Variants in TMCC1 observed in about 807,000 individuals in gnomAD.
TMCC1 encodes transmembrane and coiled-coil domains protein 1.
Under a neutral mutation model 52.4 loss-of-function variants are expected in TMCC1, and 15 were observed. The observed-to-expected ratio is 0.29, with a 90% confidence interval of 0.19 to 0.44. The LOEUF (loss-of-function observed/expected upper bound fraction) is 0.44. Ranked by LOEUF, TMCC1 falls within the 20% of genes least tolerant of loss-of-function variation. TMCC1 has a pLI of 1.00. For synonymous variants in TMCC1, 279 were observed against 301.9 expected (o/e 0.92, Z 0.79); for missense variants, 503 against 806.0 (o/e 0.62, Z 4.55).
intron 4 of TMCC1, among the ~76,000 whole-genome samples, chr3:129,713,723 AAAG>A (rs2048866614): frequency 6.6e-6 from 1 of 151,698 alleles, no homozygotes; most frequent in Non-Finnish European, 1.5e-5. Context: ...AAAAAAAAAA[AAAG>A]AAAAAAAAAA....
intron 4 of TMCC1, among the ~76,000 whole-genome samples, chr3:129,704,892 T>C (rs561146775): frequency 1.3e-5 from 2 of 152,170 alleles, no homozygotes; most frequent in African/African-American, 4.8e-5. Flanking sequence ...GACAACTTAT[T>C]CCCAGACCTT....
At chr3:129,719,933 T>C (rs979142765) in intron 4 of TMCC1, among the ~76,000 whole-genome samples, 1 of 152,070 alleles carries the variant, frequency 6.6e-6, no homozygotes, top group Non-Finnish European at 1.5e-5. Context: ...AATCTCAACA[T>C]TTTGGGAGGC....
intron 4 of TMCC1, among the ~76,000 whole-genome samples, chr3:129,711,009 G>A (rs143640978): frequency 0.016 from 2,360 of 152,178 alleles, 47 homozygotes; most frequent in African/African-American, 0.055. Flanking sequence ...GATTACAGGC[G>A]CCTGCCACCA....
chr3:129,662,478 C>T (rs2087114618), intron 5 of TMCC1, among the ~76,000 whole-genome samples: 2 of 151,976 alleles, frequency 1.3e-5, no homozygotes, highest in African/African-American at 4.8e-5. Flanking sequence ...AAAAGGCACA[C>T]TAAAAATATG....
In TMCC1 at chr3:129,828,022, T is replaced by C. The variant is rs762371671; in HGVS notation, c.357A>G (p.Thr119=). Residue 119 remains threonine (T), a synonymous_variant, in exon 4 of 7, where the codon ACA becomes ACG. Coordinates refer to ENST00000393238, the MANE Select transcript of TMCC1 (RefSeq NM_001017395.5). The surrounding 1 kb of genome is among the most constrained non-coding windows in gnomAD (Gnocchi z 4.1). ...GCTTGCCCCGCCTACTATGCAAGCT[T>C]GTCCCTCTCTTCATCTTGGGTGGCA... ...IRVPPKMKRG[T]SLHSRRGKPE... 3.1e-6 allele frequency: 5 copies of C among 1,614,160 alleles called. No individual in the cohort carries two copies. The highest frequency in any genetic ancestry group is 4.2e-6 in the Non-Finnish European group (5 of 1,180,002).
In TMCC1 at chr3:129,726,868, C is replaced by CAAA. The variant is rs550398948; in HGVS notation, c.577-55607_577-55605dup. Among the ~76,000 whole-genome samples, 3 of 12,822 alleles carry CAAA rather than the reference C, an allele frequency of 2.3e-4. 1 individual carries two copies. The highest frequency in any genetic ancestry group is 4.6e-4 in the Non-Finnish European group (3 of 6,476). 8.4% of individuals were successfully genotyped at this position (12,822 alleles called of 152,430 possible). A position where few individuals can be genotyped will look rare whatever the true frequency, so the allele number is the denominator to read the frequency against. On this transcript the variant is annotated intron_variant, in intron 4 of 6. Coordinates refer to ENST00000393238, the MANE Select transcript of TMCC1 (RefSeq NM_001017395.5). ...TGGGTAACAGAGCAAGACTCTGTCT[C>CAAA]AAAAAAAAAAAAAAAAAAAAAAAAA...
chr3:129,656,728 T>A (rs901721541), intron 5 of TMCC1: 1 of 152,184 alleles, frequency 6.6e-6, no homozygotes, highest in African/African-American at 2.4e-5. Flanking sequence ...CTGCCTTCTT[T>A]TATGCTGAAA....
chr3:129,827,836 T>TGCA lies in TMCC1; in HGVS notation c.540_542dup (p.Ala181dup), dbSNP rs759420997. 479 of 1,601,040 alleles carry TGCA rather than the reference T, an allele frequency of 3.0e-4. No individual in the cohort carries two copies. Among genetic ancestry groups the TGCA allele is most frequent in the Non-Finnish European group, 3.9e-4 (454 of 1,171,186 alleles). ...CAGTTCCCTCCTCTCCTGGTAGACA[T>TGCA]GCAGCAGCAGCAGCAGCAGCAGCAC... On this transcript the variant is annotated inframe_insertion, in exon 4 of 7. Coordinates refer to ENST00000393238, the MANE Select transcript of TMCC1 (RefSeq NM_001017395.5).
At chr3:129,688,087 A>G in intron 4 of TMCC1, 7 of 953,162 alleles carry the variant, frequency 7.3e-6, no homozygotes, top group Non-Finnish European at 8.7e-6. Context: ...GATTTTGCAA[A>G]ATGTTTTAGT....
At chr3:129,844,797 A>C (rs548901693) in intron 2 of TMCC1, among the ~76,000 whole-genome samples, 1 of 152,316 alleles carries the variant, frequency 6.6e-6, no homozygotes, top group Admixed American at 6.5e-5. Flanking sequence ...TACTCTCAAA[A>C]TACTTCCTTC....
intron 4 of TMCC1, among the ~76,000 whole-genome samples, chr3:129,795,592 ATTGAT>A (rs548423908): frequency 2.2e-4 from 34 of 152,322 alleles, no homozygotes; most frequent in African/African-American, 7.7e-4. Flanking sequence ...TTATTATCCT[ATTGAT>A]TTATCAAAAC....
In TMCC1 at chr3:129,651,577, G is replaced by C; in HGVS notation, c.1866C>G (p.Phe622Leu). The change falls in exon 7 of 7, where the codon TTC (phenylalanine) becomes TTG (leucine). Residue 622 changes from phenylalanine to leucine, a missense_variant. By Grantham distance (22) the Phe-to-Leu change is conservative (BLOSUM62 0). Around this residue, in one of 7 missense-constraint regions of TMCC1, gnomAD observed 50 missense variants for 62.6 expected, o/e 0.80. Transcript: ENST00000393238. The surrounding 1 kb of genome is among the most constrained non-coding windows in gnomAD (Gnocchi z 5.1). ...VPLMKTRNRT[F>L]STLFLVVFIA... The stretch of plus-strand genomic sequence containing the variant: ...TAAAAACCACAAGGAATAAAGTGCT[G>C]AACGTCCTGTTGCGAGTCTTCATGA... The C allele has an allele frequency of 6.2e-7, 1 of 1,614,222 alleles. No homozygotes were observed. Among genetic ancestry groups the C allele is most frequent in the Non-Finnish European group, 8.5e-7 (1 of 1,180,040 alleles).
At chr3:129,879,333 C>T (rs2669837) in intron 2 of TMCC1, among the ~76,000 whole-genome samples, 151,802 of 152,254 alleles carry the variant, frequency 1, 75,676 homozygotes, top group Middle Eastern at 1. Flanking sequence ...TCCCAGCTAC[C>T]TGAGACACTG....
At chr3:129,876,678 G>A (rs976515756) in intron 2 of TMCC1, among the ~76,000 whole-genome samples, 1 of 152,010 alleles carries the variant, frequency 6.6e-6, no homozygotes, top group South Asian at 2.1e-4. Flanking sequence ...TGAAGGGCTG[G>A]GCGCGGTGGC....
At chr3:129,723,360 CTTTTTTTTT>C (rs62761061) in intron 4 of TMCC1, among the ~76,000 whole-genome samples, 8 of 105,618 alleles carry the variant, frequency 7.6e-5, no homozygotes, top group African/African-American at 1.4e-4. Flanking sequence ...AAATCTTTTT[CTTTTTTTTT>C]TTTTTTTTTT....
chr3:129,713,059 C>T (rs1364622397), intron 4 of TMCC1, among the ~76,000 whole-genome samples: 2 of 151,904 alleles, frequency 1.3e-5, no homozygotes, highest in Non-Finnish European at 1.5e-5. Flanking sequence ...CCCAGGAGTT[C>T]GAGAGCAGAC....
chr3:129,882,634 A>C (rs1267780358), intron 1 of TMCC1, among the ~76,000 whole-genome samples: 1 of 152,254 alleles, frequency 6.6e-6, no homozygotes, highest in African/African-American at 2.4e-5. Context: ...GTCCATGAAC[A>C]GATGCATAGA....
intron 2 of TMCC1, among the ~76,000 whole-genome samples, chr3:129,857,606 G>GT (rs2060198277): frequency 6.6e-6 from 1 of 151,672 alleles, no homozygotes; most frequent in Non-Finnish European, 1.5e-5. Flanking sequence ...CTGTCACACA[G>GT]GCTGGAGTGC....
intron 4 of TMCC1, among the ~76,000 whole-genome samples, chr3:129,707,588 A>G (rs1425662886): frequency 2.6e-5 from 4 of 152,234 alleles, no homozygotes; most frequent in Non-Finnish European, 5.9e-5. Context: ...TATTCCAACA[A>G]AATTACTTTT....
Sources: allele counts gnomAD v4.1 joint callset (sites outside exome capture counted in the v4.1 genomes callset), GRCh38; gene constraint gnomAD v4.1.1; regional missense constraint gnomAD v4.1.1; non-coding constraint Gnocchi (gnomAD v3.1); transcripts MANE v1.5; gene names NCBI Gene and HGNC (gene_info 2026-07-23, HGNC 2026-07-21).